CNTN3: variants seen among roughly 807,000 people sequenced by gnomAD.
CNTN3 encodes contactin-3.
CNTN3 carries 60 observed loss-of-function variants against 119.1 expected under a neutral mutation model. That is an observed-to-expected ratio of 0.50 (90% CI 0.41 to 0.62). The LOEUF is 0.62. Among genes scored for constraint, CNTN3 ranks in the 20% least tolerant of loss-of-function variants. The probability of loss-of-function intolerance (pLI) is 0.00; values close to 1 mark genes in which losing one functional copy is unlikely to be tolerated. For missense variants in CNTN3, 1,101 were observed against 1,242.4 expected, an observed-to-expected ratio of 0.89 and a Z score of 1.71; for synonymous variants, 450 against 438.7, an observed-to-expected ratio of 1.03 and a Z score of -0.32.
intron 4 of CNTN3, among the ~76,000 whole-genome samples, chr3:74,436,046 T>C (rs1312828574): frequency 1.3e-5 from 2 of 152,214 alleles, no homozygotes; most frequent in African/African-American, 4.8e-5. Flanking sequence ...TGTCCTAACA[T>C]TCATTCAATT....
chr3:74,541,097 G>C (rs74612485), intron 1 of CNTN3, among the ~76,000 whole-genome samples: 367 of 152,234 alleles, frequency 2.4e-3, no homozygotes, highest in East Asian at 0.018. Context: ...TCATGAGTCA[G>C]TGAAACAAAA....
chr3:74,455,194 C>T (rs1300661587), intron 4 of CNTN3, among the ~76,000 whole-genome samples: 1 of 152,082 alleles, frequency 6.6e-6, no homozygotes, highest in African/African-American at 2.4e-5. Flanking sequence ...TTCTTGGAGG[C>T]TTTGTTCATT....
intron 4 of CNTN3, among the ~76,000 whole-genome samples, chr3:74,450,228 T>TA (rs1702123671): frequency 6.6e-6 from 1 of 152,118 alleles, no homozygotes; most frequent in African/African-American, 2.4e-5. Context: ...GTTTTTTATA[T>TA]AAAGTCGAAA....
In CNTN3 at chr3:74,336,568, A is replaced by G. The variant is rs1703401422; in HGVS notation, c.1455T>C (p.Phe485=). Reference sequence around the variant, plus strand: ...AATGTGTTGTGCCATTTGCTTTCCCAAACTGGTTTTCTGCCATGCAGGTGT... The same window carrying G: ...AATGTGTTGTGCCATTTGCTTTCCCGAACTGGTTTTCTGCCATGCAGGTGT... ...GTYTCMAENQ[F]GKANGTTHLV... Residue 485 remains phenylalanine (F), a synonymous_variant, in exon 12 of 23, where the codon TTT becomes TTC. Coordinates refer to ENST00000263665, the MANE Select transcript of CNTN3 (RefSeq NM_020872.3). 1 of 1,612,852 alleles carries G rather than the reference A, an allele frequency of 6.2e-7. No homozygotes were observed. The highest frequency in any genetic ancestry group is 1.3e-5 in the African/African-American group (1 of 74,876).
At chr3:74,585,287 TG>T (rs1335073093) in intron 1 of CNTN3, among the ~76,000 whole-genome samples, 1 of 152,166 alleles carries the variant, frequency 6.6e-6, no homozygotes, top group Non-Finnish European at 1.5e-5. Flanking sequence ...TTGTAAATTC[TG>T]TATTGCATTT....
At chr3:74,376,211 G>A (rs1704471428) in intron 5 of CNTN3, among the ~76,000 whole-genome samples, 1 of 152,120 alleles carries the variant, frequency 6.6e-6, no homozygotes, top group Admixed American at 6.6e-5. Context: ...GAACTGTAAG[G>A]GAACAAATGT....
At chr3:74,456,140 G>A (rs1348453067) in intron 4 of CNTN3, among the ~76,000 whole-genome samples, 1 of 151,944 alleles carries the variant, frequency 6.6e-6, no homozygotes, top group African/African-American at 2.4e-5. Flanking sequence ...AGCAATTGCT[G>A]CTTGGAGACT....
At chr3:74,334,246 C>T (rs1225767270) in intron 13 of CNTN3, among the ~76,000 whole-genome samples, 3 of 152,182 alleles carry the variant, frequency 2.0e-5, no homozygotes, top group Non-Finnish European at 2.9e-5. Context: ...TGATAGACTT[C>T]CAGTCCTCAG....
At chr3:74,339,624 G>T (rs959958876) in intron 11 of CNTN3, among the ~76,000 whole-genome samples, 2 of 151,984 alleles carry the variant, frequency 1.3e-5, no homozygotes, top group Admixed American at 6.6e-5. Context: ...TACACTGTAG[G>T]CTCTCTGGAG....
intron 1 of CNTN3, among the ~76,000 whole-genome samples, chr3:74,533,397 A>G (rs917605308): frequency 1.3e-5 from 2 of 152,030 alleles, no homozygotes; most frequent in Non-Finnish European, 2.9e-5. Flanking sequence ...AGCACTTCAG[A>G]GGATCACTTC....
At chr3:74,489,479 C>G (rs532856978) in intron 3 of CNTN3, among the ~76,000 whole-genome samples, 1 of 147,286 alleles carries the variant, frequency 6.8e-6, no homozygotes, top group Non-Finnish European at 1.5e-5. Flanking sequence ...TCTCTCCCTC[C>G]CTTCTTCCCA....
intron 1 of CNTN3, among the ~76,000 whole-genome samples, chr3:74,604,011 C>A (rs1704953214): frequency 6.6e-6 from 1 of 152,054 alleles, no homozygotes; most frequent in South Asian, 2.1e-4. Context: ...GAAATAAATC[C>A]ATGCAGTTAC....
intron 1 of CNTN3, among the ~76,000 whole-genome samples, chr3:74,572,046 G>A (rs2121800): frequency 0.8 from 120,895 of 152,008 alleles, 48,179 homozygotes; most frequent in African/African-American, 0.82. Context: ...CTCATCAACT[G>A]TTTTTCCAGG....
At chr3:74,483,886 T>C (rs2107034867) in intron 4 of CNTN3, among the ~76,000 whole-genome samples, 1 of 152,174 alleles carries the variant, frequency 6.6e-6, no homozygotes, top group Non-Finnish European at 1.5e-5. Flanking sequence ...GGCCAAGAAC[T>C]AGGGGCAGAC....
intron 5 of CNTN3, among the ~76,000 whole-genome samples, chr3:74,386,446 T>A (rs991480143): frequency 6.6e-6 from 1 of 151,938 alleles, no homozygotes; most frequent in Non-Finnish European, 1.5e-5. Context: ...GGTGAAAAAT[T>A]TGTCTCTACA....
intron 4 of CNTN3, among the ~76,000 whole-genome samples, chr3:74,444,968 G>A (rs1180972847): frequency 1.3e-5 from 2 of 152,028 alleles, no homozygotes; most frequent in Admixed American, 6.5e-5. Flanking sequence ...ATGAAAAGAT[G>A]GTAAAAATTC....
At chr3:74,426,884 G>T (rs1336286233) in intron 4 of CNTN3, among the ~76,000 whole-genome samples, 4 of 152,164 alleles carry the variant, frequency 2.6e-5, no homozygotes. Flanking sequence ...ATTATTTCTT[G>T]ATGATCAAGT....
rs1260221036 is a variant in CNTN3 at position 74,594,119 on chromosome 3, T to C, written c.-81+20272A>G. Among the ~76,000 whole-genome samples, 8 of 151,930 alleles carry C rather than the reference T, an allele frequency of 5.3e-5. No individual in the cohort carries two copies. In the East Asian group the frequency reaches 5.8e-4, roughly 11 times the overall value. On this transcript the variant is annotated intron_variant, in intron 1 of 22. Coordinates refer to ENST00000263665, the MANE Select transcript of CNTN3 (RefSeq NM_020872.3). ...GAAGGGCAGGCAAACTCTGAATAGA[T>C]TGTAAGCACTGAGTCTGTTGTGCAC...
intron 4 of CNTN3, among the ~76,000 whole-genome samples, chr3:74,464,745 T>C (rs746881959): frequency 1.7e-4 from 26 of 152,224 alleles, no homozygotes; most frequent in Non-Finnish European, 3.1e-4. Context: ...CATTTATCTA[T>C]TGCAGAAAAT....
Sources: allele counts gnomAD v4.1 joint callset (sites outside exome capture counted in the v4.1 genomes callset), GRCh38; gene constraint gnomAD v4.1.1; transcripts MANE v1.5; gene names NCBI Gene and HGNC (gene_info 2026-07-23, HGNC 2026-07-21).